AMMECR1: variants seen among roughly 807,000 people sequenced by gnomAD.
AMMECR1 encodes the protein nuclear protein AMMECR1.
Under a neutral mutation model 22.5 loss-of-function variants are expected in AMMECR1, and 3 were observed. The ratio of observed to expected loss-of-function variants is 0.13; its 90% CI spans 0.06 to 0.35. The LOEUF (loss-of-function observed/expected upper bound fraction) is 0.35, where lower values mean the gene tolerates loss of function less well. AMMECR1 is among the 10% of genes least tolerant of loss of function. The probability of loss-of-function intolerance (pLI) is 1.00; values close to 1 mark genes in which losing one functional copy is unlikely to be tolerated. For missense variants in AMMECR1, 235 were observed against 278.7 expected, an observed-to-expected ratio of 0.84 and a Z score of 1.12; for synonymous variants, 130 against 116.7, an observed-to-expected ratio of 1.11 and a Z score of -0.74.
intron 1 of AMMECR1, among the ~76,000 whole-genome samples, chrX:110,294,774 A>T (rs776395316): frequency 2.3e-4 from 26 of 111,237 alleles, no homozygotes; most frequent in African/African-American, 8.5e-4. Flanking sequence ...GTTATACTTA[A>T]TTATGAAAGG....
intron 2 of AMMECR1, among the ~76,000 whole-genome samples, chrX:110,357,988 T>C (rs1352289527): frequency 9.0e-6 from 1 of 111,621 alleles, no homozygotes; most frequent in Non-Finnish European, 1.9e-5. Flanking sequence ...ATTTGTTTCA[T>C]GAGGAGTATC....
intron 2 of AMMECR1, among the ~76,000 whole-genome samples, chrX:110,409,574 C>T (rs1195022878): frequency 9.0e-6 from 1 of 111,088 alleles, no homozygotes; most frequent in Non-Finnish European, 1.9e-5. Flanking sequence ...CTCCATGCCC[C>T]CATTAGGATC....
intron 2 of AMMECR1, among the ~76,000 whole-genome samples, chrX:110,231,571 G>C (rs1294251220): frequency 2.7e-5 from 3 of 112,206 alleles, no homozygotes; most frequent in Non-Finnish European, 5.6e-5. Flanking sequence ...ATGCCAAATT[G>C]TAAAGACCAT....
chrX:110,306,801 A>G (rs779355983), intron 1 of AMMECR1: 12 of 112,103 alleles, frequency 1.1e-4, no homozygotes, highest in Non-Finnish European at 2.3e-4. Context: ...GATTCCCAAA[A>G]TTCCTAGAAG....
chrX:110,349,141 C>G (rs1191748295), intron 2 of AMMECR1, among the ~76,000 whole-genome samples: 1 of 111,662 alleles, frequency 9.0e-6, no homozygotes, highest in Non-Finnish European at 1.9e-5. Flanking sequence ...TAATGCATGC[C>G]TTATAATAAC....
intron 1 of AMMECR1, among the ~76,000 whole-genome samples, chrX:110,279,402 T>C (rs1426350870): frequency 8.9e-6 from 1 of 112,455 alleles, no homozygotes; most frequent in Non-Finnish European, 1.9e-5. Flanking sequence ...TCCAGGACAG[T>C]AAAATTGCCA....
At chrX:110,344,616 A>G (rs1209574453) in intron 2 of AMMECR1, among the ~76,000 whole-genome samples, 1 of 111,602 alleles carries the variant, frequency 9.0e-6, no homozygotes, top group African/African-American at 3.3e-5. Flanking sequence ...GCTAATATCC[A>G]GAATCTACAA....
At chrX:110,240,269 G>C (rs1382486476) in intron 2 of AMMECR1, among the ~76,000 whole-genome samples, 1 of 107,891 alleles carries the variant, frequency 9.3e-6, no homozygotes, top group Admixed American at 1.0e-4. Flanking sequence ...TGGCAAATTG[G>C]ATAAAGAGTC....
intron 2 of AMMECR1, among the ~76,000 whole-genome samples, chrX:110,353,652 C>T (rs1402601622): frequency 1.8e-5 from 2 of 111,844 alleles, no homozygotes; most frequent in East Asian, 5.6e-4. Flanking sequence ...TTGATTTCTA[C>T]TTCCATGCCA....
At chrX:110,422,379 C>T (rs2068723693) in intron 2 of AMMECR1, among the ~76,000 whole-genome samples, 1 of 112,678 alleles carries the variant, frequency 8.9e-6, no homozygotes, top group Admixed American at 9.3e-5. Flanking sequence ...TGACATTAAC[C>T]TATTGAATCC....
chrX:110,269,499 A>C (rs185688652), intron 1 of AMMECR1, among the ~76,000 whole-genome samples: 2 of 105,790 alleles, frequency 1.9e-5, no homozygotes, highest in East Asian at 6.2e-4. Context: ...AATTAATAGA[A>C]TAGGGTACTC....
chrX:110,440,077 C>T (rs977762836), exon 1 of AMMECR1: 2 of 111,327 alleles, frequency 1.8e-5, no homozygotes, highest in Non-Finnish European at 3.8e-5. Flanking sequence ...GGATGTCTCT[C>T]ATCCTGCCAG....
At chrX:110,336,313 A>G (rs2068140949) in intron 2 of AMMECR1, among the ~76,000 whole-genome samples, 1 of 111,495 alleles carries the variant, frequency 9.0e-6, no homozygotes, top group Admixed American at 9.6e-5. Flanking sequence ...TATGCTGTAT[A>G]TATACCCCTG....
chrX:110,204,198 C>G (rs1248923706), intron 3 of AMMECR1, among the ~76,000 whole-genome samples: 1 of 110,640 alleles, frequency 9.0e-6, no homozygotes, highest in African/African-American at 3.3e-5. Flanking sequence ...ATTTTTTTTT[C>G]CTTTGACAAT....
intron 2 of AMMECR1, among the ~76,000 whole-genome samples, chrX:110,373,638 G>A (rs2068355282): frequency 8.9e-6 from 1 of 112,440 alleles, no homozygotes; most frequent in African/African-American, 3.2e-5. Context: ...AGATAATACA[G>A]TAATCTGAAA....
chrX:110,342,275 G>C (rs918213938), intron 2 of AMMECR1, among the ~76,000 whole-genome samples: 6 of 111,489 alleles, frequency 5.4e-5, no homozygotes, highest in Non-Finnish European at 1.1e-4. Flanking sequence ...CATCCACTGG[G>C]GGTAATAATG....
intron 2 of AMMECR1, among the ~76,000 whole-genome samples, chrX:110,240,837 C>T (rs2067628482): frequency 8.9e-6 from 1 of 111,853 alleles, no homozygotes; most frequent in African/African-American, 3.3e-5. Context: ...TAAAACACCC[C>T]TCAGCAAATG....
chrX:110,219,543 C>T, intron 2 of AMMECR1: 1 of 749,393 alleles, frequency 1.3e-6, no homozygotes, highest in Non-Finnish European at 1.6e-6. Context: ...ATACCTAAAA[C>T]ATAAGTGAAG....
intron 2 of AMMECR1, among the ~76,000 whole-genome samples, chrX:110,394,729 C>A (rs983805805): frequency 8.9e-6 from 1 of 112,737 alleles, no homozygotes; most frequent in East Asian, 2.8e-4. Flanking sequence ...TTTGCACATG[C>A]ATCTGCTCCT....
Sources: gnomAD v4.1 joint callset for allele counts (sites outside exome capture counted in the v4.1 genomes callset) on GRCh38, gnomAD v4.1.1 for gene constraint, MANE v1.5 for transcripts, NCBI Gene and HGNC (gene_info 2026-07-23, HGNC 2026-07-21) for gene names.